Variants in SENP7 observed in about 807,000 individuals in gnomAD.
SENP7 encodes the protein SUMO specific peptidase 7, also known as sentrin-specific protease 7.
Under a neutral mutation model 141.2 loss-of-function variants are expected in SENP7, and 64 were observed. The observed-to-expected ratio is 0.45, with a 90% CI of 0.37 to 0.56. SENP7 has a LOEUF of 0.56. Among genes scored for constraint, SENP7 ranks in the 20% least tolerant of loss-of-function variants. SENP7 has a pLI of 0.00. For synonymous variants in SENP7, 382 were observed against 426.4 expected (o/e 0.90, Z 1.28); for missense variants, 1,025 against 1,212.2 (o/e 0.85, Z 2.29).
chr3:101,479,444 T>G (rs2064354785), intron 3 of SENP7, among the ~76,000 whole-genome samples: 2 of 151,888 alleles, frequency 1.3e-5, no homozygotes, highest in South Asian at 4.2e-4. Context: ...AAAACAATTT[T>G]AAACAATAAA....
chr3:101,426,646 A>AT (rs1007061265), intron 4 of SENP7, among the ~76,000 whole-genome samples: 2 of 151,552 alleles, frequency 1.3e-5, no homozygotes, highest in African/African-American at 2.4e-5. Context: ...TGCCCAGCTA[A>AT]TTTTTTTTAT....
intron 3 of SENP7, among the ~76,000 whole-genome samples, chr3:101,473,559 C>T (rs1300865959): frequency 6.6e-6 from 1 of 152,018 alleles, no homozygotes; most frequent in Admixed American, 6.6e-5. Context: ...GTTCATGCCC[C>T]CCTTGGCCCA....
chr3:101,484,593 C>G (rs2064644192), intron 3 of SENP7, among the ~76,000 whole-genome samples: 1 of 152,202 alleles, frequency 6.6e-6, no homozygotes, highest in Non-Finnish European at 1.5e-5. Flanking sequence ...AGACCTCCCT[C>G]TCCCGAACAC....
At chr3:101,450,329 C>A (rs1329157599) in intron 4 of SENP7, among the ~76,000 whole-genome samples, 4 of 152,064 alleles carry the variant, frequency 2.6e-5, no homozygotes, top group Admixed American at 2.0e-4. Flanking sequence ...ACAAGGATAT[C>A]CAGGAATTGA....
chr3:101,402,813 C>A (rs2061189711), intron 5 of SENP7, among the ~76,000 whole-genome samples: 1 of 152,100 alleles, frequency 6.6e-6, no homozygotes, highest in Non-Finnish European at 1.5e-5. Flanking sequence ...GTTGACAATG[C>A]ACCTAGTCAC....
chr3:101,493,425 T>C (rs1191333370), intron 3 of SENP7, among the ~76,000 whole-genome samples: 1 of 152,174 alleles, frequency 6.6e-6, no homozygotes, highest in Non-Finnish European at 1.5e-5. Flanking sequence ...AAAACTGCTA[T>C]CTTAATCCTT....
chr3:101,352,400 G>A (rs549630354), intron 11 of SENP7, among the ~76,000 whole-genome samples: 7 of 152,118 alleles, frequency 4.6e-5, no homozygotes, highest in Non-Finnish European at 7.4e-5. Flanking sequence ...GGGCACCACC[G>A]TCTTCATTCC....
chr3:101,426,932 C>T (rs2061980695), intron 4 of SENP7, among the ~76,000 whole-genome samples: 1 of 152,178 alleles, frequency 6.6e-6, no homozygotes, highest in African/African-American at 2.4e-5. Flanking sequence ...AGACCAGTGA[C>T]ACCATAAAGC....
chr3:101,363,963 A>G (rs9825876), intron 10 of SENP7, among the ~76,000 whole-genome samples: 28,227 of 152,240 alleles, frequency 0.19, 3,121 homozygotes, highest in Admixed American at 0.35. Context: ...CATGCATGTG[A>G]TCCTAGCACT....
Position 101,427,273 on chromosome 3 carries a change from G to A in SENP7, c.285-9483C>T, listed in dbSNP as rs145849479. Among the ~76,000 whole-genome samples the A allele has an allele frequency of 3.5e-3, 527 of 152,208 alleles. 3 individuals are homozygous for A. The highest frequency in any genetic ancestry group is 0.017 in the Middle Eastern group (5 of 294). On this transcript the variant is annotated intron_variant, in intron 4 of 23. Coordinates refer to ENST00000394095, the MANE Select transcript of SENP7 (RefSeq NM_020654.5). ...GGAGACCGAGGCAAGAGGATTGCCT[G>A]AGCTCAGGAGTTTGAGACCAGCCTG...
intron 5 of SENP7, chr3:101,414,143 C>T (rs1327923292): frequency 2.0e-6 from 1 of 497,192 alleles, no homozygotes; most frequent in African/African-American, 1.9e-5. Context: ...AGATGGAGAA[C>T]AGATCCTTTA....
At chr3:101,425,699 G>A (rs1198348859) in intron 4 of SENP7, among the ~76,000 whole-genome samples, 1 of 152,166 alleles carries the variant, frequency 6.6e-6, no homozygotes, top group Non-Finnish European at 1.5e-5. Context: ...CAGAATATGA[G>A]TAGGAATGAA....
intron 4 of SENP7, among the ~76,000 whole-genome samples, chr3:101,446,808 A>C (rs1333354876): frequency 6.6e-6 from 1 of 152,202 alleles, no homozygotes; most frequent in Non-Finnish European, 1.5e-5. Flanking sequence ...GCTTATATAA[A>C]AAGTGGTTAT....
chr3:101,441,014 G>T (rs2062648529), intron 4 of SENP7, among the ~76,000 whole-genome samples: 1 of 152,104 alleles, frequency 6.6e-6, no homozygotes, highest in African/African-American at 2.4e-5. Flanking sequence ...CATCTATGGA[G>T]GCCTGCCCAG....
intron 6 of SENP7, among the ~76,000 whole-genome samples, chr3:101,382,009 T>A (rs1344544379): frequency 5.3e-5 from 8 of 152,208 alleles, no homozygotes; most frequent in African/African-American, 1.9e-4. Context: ...TCCACTTCCA[T>A]TTAAAAGCTT....
At chr3:101,375,691 C>CA (rs1463679183) in intron 6 of SENP7, among the ~76,000 whole-genome samples, 1 of 151,792 alleles carries the variant, frequency 6.6e-6, no homozygotes, top group Non-Finnish European at 1.5e-5. Context: ...GCACACTATT[C>CA]ACAATAGCCA....
At chr3:101,475,977 A>G (rs940251089) in intron 3 of SENP7, among the ~76,000 whole-genome samples, 2 of 152,182 alleles carry the variant, frequency 1.3e-5, no homozygotes, top group Non-Finnish European at 2.9e-5. Flanking sequence ...TTTCTGCACT[A>G]TAGACCAAAT....
At chr3:101,359,319 T>G (rs1376723232) in intron 11 of SENP7, 1 of 151,570 alleles carries the variant, frequency 6.6e-6, no homozygotes, top group Non-Finnish European at 1.5e-5. Flanking sequence ...AAAACTTTGC[T>G]GAAGTTGTTT....
chr3:101,337,508 C>G lies in SENP7; in HGVS notation c.2480+1G>C. On this transcript the variant is annotated splice_donor_variant, in intron 17 of 23. Transcript: ENST00000394095. LOFTEE classifies it high-confidence loss of function. Reference sequence around the variant, plus strand: ...TTAAGTACATTAGAGGATTAACTTACGAAAGATTTGGATTATCTTCTGTTA... The same window carrying G: ...TTAAGTACATTAGAGGATTAACTTAGGAAAGATTTGGATTATCTTCTGTTA... 1 of 1,516,288 alleles carries G rather than the reference C, an allele frequency of 6.6e-7. No homozygotes were observed. 93.9% of individuals were successfully genotyped at this position (1,516,288 alleles called of 1,614,324 possible). A position where few individuals can be genotyped will look rare whatever the true frequency, so the allele number is the denominator to read the frequency against.
Sources: gnomAD v4.1 joint callset for allele counts (sites outside exome capture counted in the v4.1 genomes callset) on GRCh38, gnomAD v4.1.1 for gene constraint, MANE v1.5 for transcripts, NCBI Gene and HGNC (gene_info 2026-07-23, HGNC 2026-07-21) for gene names.